Variants in MYCBP2 observed in about 807,000 individuals in gnomAD.
The protein encoded by MYCBP2 is MYC binding protein 2, also known as E3 ubiquitin-protein ligase MYCBP2.
A neutral mutation model predicts 525.3 loss-of-function variants in MYCBP2; 120 were observed. That is an observed-to-expected ratio of 0.23 (90% CI 0.20 to 0.27). The LOEUF (loss-of-function observed/expected upper bound fraction) is 0.27, where lower values mean the gene tolerates loss of function less well. Ranked by LOEUF, MYCBP2 falls within the 10% of genes least tolerant of loss-of-function variation. MYCBP2 has a pLI of 1.00. For missense variants in MYCBP2, 4,149 were observed against 5,657.1 expected (o/e 0.73, Z 8.55); for synonymous variants, 1,894 against 1,955.8 (o/e 0.97, Z 0.83).
chr13:77,078,309 CAA>C (rs2042674977), intron 66 of MYCBP2, among the ~76,000 whole-genome samples: 1 of 152,148 alleles, frequency 6.6e-6, no homozygotes, highest in Non-Finnish European at 1.5e-5. Context: ...ACAGATTTGA[CAA>C]AGTTTCATGA....
At chr13:77,218,517 T>C (rs2065119884) in intron 20 of MYCBP2, among the ~76,000 whole-genome samples, 1 of 152,148 alleles carries the variant, frequency 6.6e-6, no homozygotes, top group Admixed American at 6.6e-5. Flanking sequence ...GAATCCTGGC[T>C]CCCCAACTTA....
chr13:77,198,377 C>A (rs1256790241), intron 26 of MYCBP2, among the ~76,000 whole-genome samples: 4 of 152,158 alleles, frequency 2.6e-5, no homozygotes, highest in African/African-American at 9.7e-5. Flanking sequence ...TCTGGTTGGG[C>A]CTCCATGGGG....
rs201408082 is a variant in MYCBP2 at position 77,098,510 on chromosome 13, G to A, written c.8644C>T (p.Arg2882Cys). 162 of 1,613,708 alleles carry A rather than the reference G, an allele frequency of 1.0e-4. 1 individual carries two copies. The highest frequency in any genetic ancestry group is 6.2e-4 in the East Asian group (28 of 44,854). The change falls in exon 56 of 83, where the codon CGC (arginine) becomes TGC (cysteine). Residue 2882 changes from arginine (R) to cysteine (C), a missense_variant. Around this residue, in one of 21 missense-constraint regions of MYCBP2, gnomAD observed 653 missense variants for 744.7 expected, o/e 0.88. Transcript: ENST00000544440. ...TCTGTGAGGGGCATTTTCTTCTTGCGGAGGGTATCTGGATCAAGTGTGTAA... is the reference window on the plus strand; with the variant it reads ...TCTGTGAGGGGCATTTTCTTCTTGCAGAGGGTATCTGGATCAAGTGTGTAA... ...DSYTLDPDTL[R>C]KKKMPLTEPL...
At chr13:77,116,495 C>CT (rs908966572) in intron 55 of MYCBP2, among the ~76,000 whole-genome samples, 7 of 151,740 alleles carry the variant, frequency 4.6e-5, no homozygotes, top group Admixed American at 6.6e-5. Context: ...AGATTCCATA[C>CT]TTTTTTTTGT....
intron 36 of MYCBP2, among the ~76,000 whole-genome samples, chr13:77,175,488 A>C (rs975366473): frequency 6.6e-6 from 1 of 152,196 alleles, no homozygotes; most frequent in African/African-American, 2.4e-5. Flanking sequence ...TTTCACAATA[A>C]AAGCTTTTTG....
At chr13:77,054,566 T>C (rs2037485088) in intron 80 of MYCBP2, among the ~76,000 whole-genome samples, 1 of 151,466 alleles carries the variant, frequency 6.6e-6, no homozygotes, top group Non-Finnish European at 1.5e-5. Flanking sequence ...ACAGAATTGA[T>C]AGGATTTTGT....
chr13:77,090,641 A>G (rs1388949340), intron 59 of MYCBP2: 1 of 153,494 alleles, frequency 6.5e-6, no homozygotes, highest in Non-Finnish European at 1.4e-5. Context: ...TGTACACATG[A>G]AAACCTAATA....
chr13:77,271,761 C>T (rs1376285661), intron 5 of MYCBP2, among the ~76,000 whole-genome samples: 1 of 152,184 alleles, frequency 6.6e-6, no homozygotes, highest in East Asian at 1.9e-4. Flanking sequence ...ACTATAAATC[C>T]ATTAAACCTC....
chr13:77,062,534 A>G (rs2154074045), intron 74 of MYCBP2, 62 bp downstream of exon 74: 2 of 1,371,844 alleles, frequency 1.5e-6, no homozygotes, highest in East Asian at 4.6e-5. Context: ...TTTGTTTTTA[A>G]GCTAAGCTAA....
At chr13:77,291,613 C>T (rs375661939) in intron 2 of MYCBP2, among the ~76,000 whole-genome samples, 278 of 152,176 alleles carry the variant, frequency 1.8e-3, no homozygotes, top group African/African-American at 6.5e-3. Flanking sequence ...ACTAAAAATA[C>T]AAAATTAGCC....
intron 1 of MYCBP2, among the ~76,000 whole-genome samples, chr13:77,302,517 T>A (rs190401356): frequency 1.2e-3 from 186 of 152,144 alleles, no homozygotes; most frequent in Non-Finnish European, 2.1e-3. Context: ...TGAAAGCTGA[T>A]ATAATTCACA....
chr13:77,081,550 T>C lies in MYCBP2; in HGVS notation c.11295A>G (p.Thr3765=). ...CATCTCCTGATTCCCAAAAGGTTTC[T>C]GTGGAGCCGTCTGTCAAACTGCCAA... is the stretch of plus-strand genomic sequence containing the variant. ...AMIGSLTDGS[T]ETFWESGDED... is the part of the protein sequence containing the mutation. Residue 3765 remains threonine, a synonymous_variant, in exon 65 of 83, where the codon ACA becomes ACG. Coordinates refer to ENST00000544440, the MANE Select transcript of MYCBP2 (RefSeq NM_015057.5). The surrounding 1 kb of genome is among the most constrained non-coding windows in gnomAD (Gnocchi z 4.6). The C allele has an allele frequency of 6.2e-7, 1 of 1,613,912 alleles. No individual in the cohort carries two copies. The highest frequency in any genetic ancestry group is 1.1e-5 in the South Asian group (1 of 91,070).
At chr13:77,305,873 A>G (rs2079354709) in intron 1 of MYCBP2, among the ~76,000 whole-genome samples, 1 of 152,178 alleles carries the variant, frequency 6.6e-6, no homozygotes, top group South Asian at 2.1e-4. Context: ...AACCAGGAAC[A>G]GATTTTACTT....
intron 8 of MYCBP2, among the ~76,000 whole-genome samples, chr13:77,265,931 T>C (rs560336345): frequency 6.6e-6 from 1 of 152,322 alleles, no homozygotes; most frequent in East Asian, 1.9e-4. Context: ...ACTATCTTCC[T>C]GAAGTTTGGT....
chr13:77,170,845 G>A (rs551179121), intron 38 of MYCBP2, among the ~76,000 whole-genome samples: 1 of 152,238 alleles, frequency 6.6e-6, no homozygotes, highest in South Asian at 2.1e-4. Flanking sequence ...AAAGTGCTGG[G>A]ATTACAGGCA....
intron 1 of MYCBP2, among the ~76,000 whole-genome samples, chr13:77,311,635 A>C (rs2080247170): frequency 6.6e-6 from 1 of 151,734 alleles, no homozygotes; most frequent in South Asian, 2.1e-4. Flanking sequence ...CAATACATAA[A>C]AAGTTCACTG....
rs1365360462 is a variant in MYCBP2, at chr13:77,288,157, T to C, written c.594+4A>G. ...CTAAATATTAATAGAACTCAGTGGC[T>C]TACCTTTGGAAGCTTGATAGGGGGC... On this transcript the variant is annotated splice_donor_region_variant and intron_variant, in intron 3 of 82. Coordinates refer to ENST00000544440, the MANE Select transcript of MYCBP2 (RefSeq NM_015057.5). 1.2e-6 allele frequency: 2 copies of C among 1,613,764 alleles called. No individual in the cohort carries two copies. The highest frequency in any genetic ancestry group is 1.1e-5 in the South Asian group (1 of 91,048).
chr13:77,097,836 T>A lies in MYCBP2; in HGVS notation c.9318A>T (p.Gly3106=). Residue 3106 remains glycine (G), a synonymous_variant, in exon 56 of 83, where the codon GGA becomes GGT. Coordinates refer to ENST00000544440, the MANE Select transcript of MYCBP2 (RefSeq NM_015057.5). ...ALNMFNIAPH[G]PDISKMGSIN... ...TGCTACCCATCTTAGATATATCTGG[T>A]CCATGGGGTGCAATATTAAACATAT... 6.2e-7 allele frequency: 1 copy of A among 1,613,740 alleles called. No homozygotes were observed. Among genetic ancestry groups the A allele is most frequent in the Non-Finnish European group, 8.5e-7 (1 of 1,179,832 alleles).
intron 1 of MYCBP2, among the ~76,000 whole-genome samples, chr13:77,309,436 GTT>G (rs1298661571): frequency 2.0e-5 from 3 of 152,160 alleles, no homozygotes; most frequent in Non-Finnish European, 4.4e-5. Flanking sequence ...AAGAAAAGAG[GTT>G]TTACCTAAAA....
Sources: allele counts gnomAD v4.1 joint callset (sites outside exome capture counted in the v4.1 genomes callset), GRCh38; gene constraint gnomAD v4.1.1; regional missense constraint gnomAD v4.1.1; non-coding constraint Gnocchi (gnomAD v3.1); transcripts MANE v1.5; gene names NCBI Gene and HGNC (gene_info 2026-07-23, HGNC 2026-07-21).